Variants in CNTNAP5 observed in about 807,000 individuals in gnomAD.
CNTNAP5 encodes the protein contactin associated protein family member 5.
CNTNAP5 carries 72 observed loss-of-function variants against 150.2 expected under a neutral mutation model. That is an observed-to-expected ratio of 0.48 (90% CI 0.40 to 0.58). CNTNAP5 has a LOEUF of 0.58. CNTNAP5 is among the 20% of genes least tolerant of loss of function. The pLI, the probability that CNTNAP5 is intolerant of heterozygous loss-of-function variation, is 0.00. For synonymous variants in CNTNAP5, 672 were observed against 619.8 expected (o/e 1.08, Z -1.25); for missense variants, 1,636 against 1,626.2 (o/e 1.01, Z -0.10).
chr2:124,701,860 G>C (rs536650689), intron 13 of CNTNAP5, among the ~76,000 whole-genome samples: 1 of 151,854 alleles, frequency 6.6e-6, no homozygotes, highest in Non-Finnish European at 1.5e-5. Flanking sequence ...TATTTTAATT[G>C]AGTTATTTGT....
chr2:124,425,318 A>T (rs1004007227), intron 4 of CNTNAP5, among the ~76,000 whole-genome samples: 2 of 152,202 alleles, frequency 1.3e-5, no homozygotes, highest in Non-Finnish European at 2.9e-5. Context: ...ATCGTCTCTA[A>T]TTTTGACATT....
intron 1 of CNTNAP5, among the ~76,000 whole-genome samples, chr2:124,107,588 G>C (rs1187972463): frequency 6.6e-6 from 1 of 152,160 alleles, no homozygotes; most frequent in Non-Finnish European, 1.5e-5. Flanking sequence ...TTGTGTAGTA[G>C]AAAGTTATGC....
At chr2:124,516,840 T>G (rs1361074024) in intron 8 of CNTNAP5, among the ~76,000 whole-genome samples, 1 of 151,926 alleles carries the variant, frequency 6.6e-6, no homozygotes, top group African/African-American at 2.4e-5. Context: ...AGAAATTTTA[T>G]GGAGGAATTG....
At chr2:124,202,848 G>A (rs1685763848) in intron 1 of CNTNAP5, among the ~76,000 whole-genome samples, 1 of 152,048 alleles carries the variant, frequency 6.6e-6, no homozygotes, top group African/African-American at 2.4e-5. Context: ...TATAACACAT[G>A]GGAATTATGG....
chr2:124,430,764 G>C (rs1210604104), intron 4 of CNTNAP5, among the ~76,000 whole-genome samples: 1 of 152,100 alleles, frequency 6.6e-6, no homozygotes, highest in African/African-American at 2.4e-5. Context: ...GAGGACATGA[G>C]TGCACGCCTA....
At chr2:124,834,244 T>G (rs1024261013) in intron 19 of CNTNAP5, among the ~76,000 whole-genome samples, 1 of 152,188 alleles carries the variant, frequency 6.6e-6, no homozygotes, top group African/African-American at 2.4e-5. Flanking sequence ...ACTTCAAATT[T>G]GAGTGGTTCA....
intron 3 of CNTNAP5, among the ~76,000 whole-genome samples, chr2:124,244,002 G>C (rs550432451): frequency 6.6e-6 from 1 of 152,184 alleles, no homozygotes; most frequent in South Asian, 2.1e-4. Context: ...AAATCGATGT[G>C]GGATTTTTTG....
intron 1 of CNTNAP5, among the ~76,000 whole-genome samples, chr2:124,155,755 C>CTTGAG (rs1684512003): frequency 6.6e-6 from 1 of 152,110 alleles, no homozygotes; most frequent in Admixed American, 6.5e-5. Context: ...TTCACCCATC[C>CTTGAG]GTTTTTTAGG....
chr2:124,533,291 C>T (rs1695153074), intron 10 of CNTNAP5, among the ~76,000 whole-genome samples: 3 of 151,968 alleles, frequency 2.0e-5, no homozygotes, highest in Admixed American at 2.0e-4. Context: ...GAGTGAGGGT[C>T]TCTTTAAATC....
At chr2:124,501,519 A>T (rs1694279502) in intron 7 of CNTNAP5, among the ~76,000 whole-genome samples, 1 of 152,220 alleles carries the variant, frequency 6.6e-6, no homozygotes, top group Non-Finnish European at 1.5e-5. Flanking sequence ...GTCTTCTCAC[A>T]TGGCTTTTCT....
intron 10 of CNTNAP5, among the ~76,000 whole-genome samples, chr2:124,553,119 A>T (rs1162845908): frequency 6.6e-6 from 1 of 152,226 alleles, no homozygotes; most frequent in Non-Finnish European, 1.5e-5. Flanking sequence ...TGTCCATGGC[A>T]TTGTGGCAAT....
At chr2:124,246,477 T>C (rs983596442) in intron 3 of CNTNAP5, among the ~76,000 whole-genome samples, 2 of 152,104 alleles carry the variant, frequency 1.3e-5, no homozygotes, top group Admixed American at 1.3e-4. Flanking sequence ...CTCCAAAACC[T>C]CTTCCTGATT....
chr2:124,784,156 G>A (rs1681514498), intron 17 of CNTNAP5, among the ~76,000 whole-genome samples: 1 of 152,216 alleles, frequency 6.6e-6, no homozygotes, highest in Non-Finnish European at 1.5e-5. Flanking sequence ...AAGTAAGGCA[G>A]GAAGAAAGGT....
intron 11 of CNTNAP5, among the ~76,000 whole-genome samples, chr2:124,577,734 A>G (rs1696318665): frequency 6.6e-6 from 1 of 152,200 alleles, no homozygotes; most frequent in Admixed American, 6.5e-5. Flanking sequence ...GATGAGCCGT[A>G]AAGGGAAGGG....
At chr2:124,179,474 G>T (rs1685157791) in intron 1 of CNTNAP5, among the ~76,000 whole-genome samples, 1 of 152,058 alleles carries the variant, frequency 6.6e-6, no homozygotes, top group Non-Finnish European at 1.5e-5. Context: ...TTCAGTTATT[G>T]GTACTGAACA....
chr2:124,629,837 G>T (rs1237879021), intron 12 of CNTNAP5, among the ~76,000 whole-genome samples: 2 of 131,742 alleles, frequency 1.5e-5, no homozygotes, highest in East Asian at 4.5e-4. Context: ...AACAAGAAGA[G>T]AGAAGATTCA....
intron 1 of CNTNAP5, among the ~76,000 whole-genome samples, chr2:124,116,446 G>A (rs1399328846): frequency 6.6e-6 from 1 of 152,164 alleles, no homozygotes; most frequent in Non-Finnish European, 1.5e-5. Context: ...GGCAGTAGCA[G>A]GGCTAGCAGC....
chr2:124,703,351 A>T (rs1359890832), intron 13 of CNTNAP5, among the ~76,000 whole-genome samples: 1 of 151,624 alleles, frequency 6.6e-6, no homozygotes, highest in African/African-American at 2.4e-5. Flanking sequence ...TAGCATGAAT[A>T]TCATATATAT....
intron 1 of CNTNAP5, among the ~76,000 whole-genome samples, chr2:124,192,258 G>T (rs1225512729): frequency 6.6e-6 from 1 of 152,084 alleles, no homozygotes; most frequent in African/African-American, 2.4e-5. Flanking sequence ...CAGAATGTTC[G>T]TTGTACATTC....
Sources: gnomAD v4.1 joint callset for allele counts (sites outside exome capture counted in the v4.1 genomes callset) on GRCh38, gnomAD v4.1.1 for gene constraint, MANE v1.5 for transcripts, NCBI Gene and HGNC (gene_info 2026-07-23, HGNC 2026-07-21) for gene names.